PTCHD4: variants seen among roughly 807,000 people sequenced by gnomAD.
PTCHD4 encodes the protein patched domain-containing protein 4.
PTCHD4 carries 33 observed loss-of-function variants against 58.1 expected under a neutral mutation model. The ratio of observed to expected loss-of-function variants is 0.57; its 90% confidence interval spans 0.43 to 0.76. The LOEUF (loss-of-function observed/expected upper bound fraction) is 0.76. Ranked by LOEUF, PTCHD4 falls within the 30% of genes least tolerant of loss-of-function variation. PTCHD4 has a pLI of 0.00. For synonymous variants in PTCHD4, 478 were observed against 409.6 expected (o/e 1.17, Z -2.02); for missense variants, 1,058 against 1,027.1 (o/e 1.03, Z -0.41).
intron 3 of PTCHD4, among the ~76,000 whole-genome samples, chr6:48,042,633 C>G (rs575308890): frequency 6.6e-6 from 1 of 151,782 alleles, no homozygotes; most frequent in Non-Finnish European, 1.5e-5. Flanking sequence ...GACGCTGACC[C>G]AATTTTATTA....
chr6:48,039,863 C>G (rs1270507486), intron 3 of PTCHD4, among the ~76,000 whole-genome samples: 1 of 152,032 alleles, frequency 6.6e-6, no homozygotes, highest in Non-Finnish European at 1.5e-5. Context: ...CATATGATAT[C>G]ATATTTGAAG....
At chr6:47,960,069 G>A (rs1767021130) in intron 4 of PTCHD4, among the ~76,000 whole-genome samples, 1 of 152,016 alleles carries the variant, frequency 6.6e-6, no homozygotes, top group South Asian at 2.1e-4. Context: ...ACAATGACAA[G>A]ACCAACAAGT....
At chr6:48,015,305 A>T (rs1762830422) in intron 3 of PTCHD4, among the ~76,000 whole-genome samples, 1 of 151,736 alleles carries the variant, frequency 6.6e-6, no homozygotes, top group Non-Finnish European at 1.5e-5. Context: ...CTATTTGTAC[A>T]ATTTAAATGA....
chr6:48,024,503 T>C (rs1763174036), intron 3 of PTCHD4, among the ~76,000 whole-genome samples: 1 of 152,132 alleles, frequency 6.6e-6, no homozygotes, highest in Non-Finnish European at 1.5e-5. Context: ...ATACTTCAAA[T>C]GACCACCTAG....
intron 4 of PTCHD4, among the ~76,000 whole-genome samples, chr6:47,934,417 T>C (rs1024869864): frequency 1.3e-5 from 2 of 151,828 alleles, no homozygotes; most frequent in African/African-American, 4.8e-5. Context: ...GCAGCACAAT[T>C]ATGTATGGAA....
chr6:47,899,018 G>T (rs78456717), intron 4 of PTCHD4, among the ~76,000 whole-genome samples: 1 of 152,236 alleles, frequency 6.6e-6, no homozygotes, highest in East Asian at 1.9e-4. Flanking sequence ...CTTCCTTCAG[G>T]GAGAAGACTA....
chr6:47,928,888 C>T (rs971916446), intron 4 of PTCHD4, among the ~76,000 whole-genome samples: 10 of 152,072 alleles, frequency 6.6e-5, no homozygotes, highest in African/African-American at 2.4e-4. Context: ...TATAAATAAC[C>T]TATCATAATG....
intron 4 of PTCHD4, among the ~76,000 whole-genome samples, chr6:47,883,623 T>C (rs533370416): frequency 6.6e-6 from 1 of 152,170 alleles, no homozygotes; most frequent in Non-Finnish European, 1.5e-5. Flanking sequence ...TATGGAGAGA[T>C]AAAAGTTTAA....
intron 4 of PTCHD4, among the ~76,000 whole-genome samples, chr6:47,887,404 T>C (rs1392841064): frequency 6.6e-6 from 1 of 152,086 alleles, no homozygotes; most frequent in African/African-American, 2.4e-5. Flanking sequence ...TTTTGTGAAA[T>C]AGATATTATT....
intron 1 of PTCHD4, among the ~76,000 whole-genome samples, chr6:48,109,296 T>C (rs1765811975): frequency 6.6e-6 from 1 of 152,132 alleles, no homozygotes; most frequent in Non-Finnish European, 1.5e-5. Context: ...AAGACTGTCA[T>C]AAAAACCTAA....
At chr6:47,969,129 C>G (rs190714953) in intron 4 of PTCHD4, among the ~76,000 whole-genome samples, 1 of 152,132 alleles carries the variant, frequency 6.6e-6, no homozygotes, top group Non-Finnish European at 1.5e-5. Flanking sequence ...CAATACAAAA[C>G]AGAGAAAGGA....
chr6:48,105,250 G>A (rs1363352539), intron 1 of PTCHD4, among the ~76,000 whole-genome samples: 1 of 151,670 alleles, frequency 6.6e-6, no homozygotes, highest in African/African-American at 2.4e-5. Flanking sequence ...ATGACAAACT[G>A]TCTCTCAGAC....
At chr6:47,984,138 T>C (rs1244708041) in intron 4 of PTCHD4, among the ~76,000 whole-genome samples, 4 of 152,176 alleles carry the variant, frequency 2.6e-5, no homozygotes, top group Admixed American at 6.5e-5. Flanking sequence ...TCATTTAAAC[T>C]AAAAACAATT....
intron 1 of PTCHD4, among the ~76,000 whole-genome samples, chr6:48,095,902 T>A (rs532088199): frequency 6.6e-6 from 1 of 152,170 alleles, no homozygotes; most frequent in African/African-American, 2.4e-5. Flanking sequence ...CCTCATATTA[T>A]CATCTAAATA....
At chr6:48,028,980 T>C (rs952602491) in intron 3 of PTCHD4, among the ~76,000 whole-genome samples, 5 of 152,062 alleles carry the variant, frequency 3.3e-5, no homozygotes, top group African/African-American at 1.2e-4. Context: ...GGAAGCACTG[T>C]CAAATAAGAA....
intron 1 of PTCHD4, among the ~76,000 whole-genome samples, chr6:48,107,519 C>A (rs1403861588): frequency 6.6e-6 from 1 of 152,168 alleles, no homozygotes; most frequent in Admixed American, 6.5e-5. Context: ...CTAGGCAATA[C>A]CATTCAGGAC....
intron 4 of PTCHD4, among the ~76,000 whole-genome samples, chr6:47,976,585 C>G: frequency 6.6e-6 from 1 of 151,788 alleles, no homozygotes; most frequent in East Asian, 1.9e-4. Context: ...ACCTGGGAGG[C>G]AGAGGTTGAA....
At chr6:48,009,572 C>T (rs916430706) in intron 3 of PTCHD4, among the ~76,000 whole-genome samples, 3 of 152,140 alleles carry the variant, frequency 2.0e-5, no homozygotes, top group Non-Finnish European at 4.4e-5. Context: ...AGGGTTCATT[C>T]ATATACCTAT....
At chr6:47,925,181 A>ATGTGTG (rs144217387) in intron 4 of PTCHD4, among the ~76,000 whole-genome samples, 1,703 of 146,898 alleles carry the variant, frequency 0.012, 36 homozygotes, top group African/African-American at 0.041. Flanking sequence ...TATTATATAT[A>ATGTGTG]TGTGTGTGTG....
Sources: allele counts gnomAD v4.1 joint callset (sites outside exome capture counted in the v4.1 genomes callset), GRCh38; gene constraint gnomAD v4.1.1; transcripts MANE v1.5; gene names NCBI Gene and HGNC (gene_info 2026-07-23, HGNC 2026-07-21).